The following ADCY7 variants were observed in gnomAD, a reference collection of about 807,000 sequenced individuals.
ADCY7 encodes the protein adenylate cyclase type 7.
ADCY7 carries 72 observed loss-of-function variants against 120.6 expected under a neutral mutation model. The observed-to-expected ratio is 0.60, with a 90% CI of 0.49 to 0.73. The LOEUF is 0.73. ADCY7 is among the 30% of genes least tolerant of loss of function. The pLI is 0.00. For missense variants in ADCY7, 1,227 were observed against 1,486.0 expected, an observed-to-expected ratio of 0.83 and a Z score of 2.87; for synonymous variants, 661 against 628.0, an observed-to-expected ratio of 1.05 and a Z score of -0.78.
chr16:50,269,942 G>A (rs749533571), intron 1 of ADCY7, among the ~76,000 whole-genome samples: 2 of 152,238 alleles, frequency 1.3e-5, no homozygotes, highest in South Asian at 2.1e-4. Flanking sequence ...CAGTCCCAGC[G>A]CTTTGGGAGG....
chr16:50,249,544 T>C lies in ADCY7; in HGVS notation c.-64+3341T>C, dbSNP rs139474363. On this transcript the variant is annotated intron_variant, in intron 1 of 4. Transcript: ENST00000564044. ...TCCCCCTGAGCCCTGGTCTGTGGGTTAGGGATGTGGCCTGCAGGTGATTAT... is the reference window on the plus strand; with the variant it reads ...TCCCCCTGAGCCCTGGTCTGTGGGTCAGGGATGTGGCCTGCAGGTGATTAT... Among the ~76,000 whole-genome samples the C allele has an allele frequency of 6.6e-4, 101 of 152,326 alleles. 1 individual carries two copies. In the East Asian group the frequency reaches 0.017, roughly 26 times the overall value.
chr16:50,247,020 G>A (rs2032610562), intron 1 of ADCY7, among the ~76,000 whole-genome samples: 2 of 152,256 alleles, frequency 1.3e-5, no homozygotes, highest in African/African-American at 4.8e-5. Context: ...AAGCCCCCTC[G>A]GGCCTGGTCC....
chr16:50,277,253 C>T (rs1409399122), intron 1 of ADCY7, among the ~76,000 whole-genome samples: 2 of 152,206 alleles, frequency 1.3e-5, no homozygotes, highest in Non-Finnish European at 2.9e-5. Context: ...ACAAATAATG[C>T]TTCAATGACT....
chr16:50,314,562 T>G (rs1164616867), intron 24 of ADCY7, 156 bp downstream of exon 24: 1 of 604,944 alleles, frequency 1.7e-6, no homozygotes, highest in Non-Finnish European at 2.9e-6. Context: ...TTCTGATGTT[T>G]TGCATATAGT....
chr16:50,291,986 G>A (rs1205601437), intron 4 of ADCY7, 89 bp downstream of exon 4: 15 of 1,396,948 alleles, frequency 1.1e-5, no homozygotes, highest in South Asian at 1.4e-5. Flanking sequence ...AATCAGACCC[G>A]AAGGCCCCGG....
intron 7 of ADCY7, among the ~76,000 whole-genome samples, chr16:50,296,302 C>T (rs935174770): frequency 1.3e-5 from 2 of 151,832 alleles, no homozygotes; most frequent in African/African-American, 4.8e-5. Flanking sequence ...ATCCACCCAC[C>T]TCAGCCTCCC....
chr16:50,269,827 G>T (rs1327555829), intron 1 of ADCY7, among the ~76,000 whole-genome samples: 1 of 152,184 alleles, frequency 6.6e-6, no homozygotes, highest in African/African-American at 2.4e-5. Context: ...GGGTCACAGT[G>T]GATGCCTGTA....
rs957036761 is a variant in ADCY7 at position 50,304,641 on chromosome 16, C to T, written c.1560+90C>T. 1.2e-5 allele frequency: 16 copies of T among 1,306,664 alleles called. No homozygotes were observed. In the African/African-American group the frequency reaches 2.1e-4, roughly 17 times the overall value. 80.9% of individuals were successfully genotyped at this position (1,306,664 alleles called of 1,614,324 possible). ...TGCTGAAGATCTCCTGCCCTCTCAG[C>T]CTCACTGTCCCCATCTGTAAAATGG... On this transcript the variant is annotated intron_variant, in intron 11 of 25. Transcript: ENST00000673801.
At chr16:50,246,240 C>A in intron 1 of ADCY7, 2 of 149,872 alleles carry the variant, frequency 1.3e-5, no homozygotes, top group South Asian at 3.8e-4. Flanking sequence ...GCGGGCGGGC[C>A]GGGGATGCGC....
intron 1 of ADCY7, among the ~76,000 whole-genome samples, chr16:50,278,534 T>C (rs772904357): frequency 6.6e-6 from 1 of 152,258 alleles, no homozygotes; most frequent in Non-Finnish European, 1.5e-5. Context: ...TGATTGTGCT[T>C]TTGGTAATTT....
chr16:50,294,430 C>T (rs2035208830), intron 6 of ADCY7, among the ~76,000 whole-genome samples: 1 of 152,162 alleles, frequency 6.6e-6, no homozygotes, highest in Admixed American at 6.5e-5. Context: ...GAATTTTGCT[C>T]CCTTCTGCTT....
chr16:50,255,913 C>G (rs756655922), intron 1 of ADCY7, among the ~76,000 whole-genome samples: 1 of 152,164 alleles, frequency 6.6e-6, no homozygotes, highest in Non-Finnish European at 1.5e-5. Context: ...TAGATCCTTA[C>G]ATATAAAAAC....
Position 50,304,374 on chromosome 16 carries a change from C to T in ADCY7, c.1383C>T (p.Pro461=), listed in dbSNP as rs750277895. The change falls in exon 11 of 26, where the codon CCC becomes CCT. Residue 461 remains proline (P), a synonymous_variant. Coordinates refer to ENST00000673801, the MANE Select transcript of ADCY7 (RefSeq NM_001114.5). ...TCTGCCCGCAGAGCCAGCAGCCACC[C>T]CCGCCCAGCCAACACCTCCCCAGGC... ...LVIDPRSQQP[P]PPSQHLPRPK... The T allele has an allele frequency of 9.8e-6, 15 of 1,537,100 alleles. No homozygotes were observed. Among genetic ancestry groups the T allele is most frequent in the Non-Finnish European group, 8.8e-7 (1 of 1,139,652 alleles).
chr16:50,275,049 T>G (rs1025716070), intron 1 of ADCY7, among the ~76,000 whole-genome samples: 1 of 152,184 alleles, frequency 6.6e-6, no homozygotes, highest in Admixed American at 6.5e-5. Flanking sequence ...ACAGGAGCCC[T>G]TTGCCGGGTT....
intron 14 of ADCY7, among the ~76,000 whole-genome samples, chr16:50,306,112 C>T (rs889446876): frequency 2.0e-5 from 3 of 152,248 alleles, no homozygotes; most frequent in East Asian, 1.9e-4. Context: ...TTGCTCCGTC[C>T]AGTGCCAAAG....
chr16:50,257,889 T>C (rs972911759), intron 1 of ADCY7, among the ~76,000 whole-genome samples: 1 of 151,850 alleles, frequency 6.6e-6, no homozygotes, highest in Non-Finnish European at 1.5e-5. Context: ...ACCACAGGCA[T>C]GCACCACCAC....
chr16:50,309,907 C>T (rs1342626929), intron 18 of ADCY7, among the ~76,000 whole-genome samples: 1 of 152,118 alleles, frequency 6.6e-6, no homozygotes, highest in Non-Finnish European at 1.5e-5. Flanking sequence ...GAGCATCTGG[C>T]CTTGTGCGGG....
chr16:50,279,060 C>T (rs1040566112), intron 1 of ADCY7, among the ~76,000 whole-genome samples: 1 of 152,048 alleles, frequency 6.6e-6, no homozygotes, highest in African/African-American at 2.4e-5. Context: ...TTAGTGGAGA[C>T]AGGGTTTCAC....
intron 22 of ADCY7, chr16:50,313,437 A>AG (rs151204836): frequency 6.0e-6 from 1 of 167,622 alleles, no homozygotes; most frequent in South Asian, 1.4e-4. Context: ...AACAACAACA[A>AG]AAAAAAAACG....
Sources: gnomAD v4.1 joint callset for allele counts (sites outside exome capture counted in the v4.1 genomes callset) on GRCh38, gnomAD v4.1.1 for gene constraint, MANE v1.5 for transcripts, NCBI Gene and HGNC (gene_info 2026-07-23, HGNC 2026-07-21) for gene names.